ADAM12: variants seen among roughly 807,000 people sequenced by gnomAD.
ADAM12 encodes the protein ADAM metallopeptidase domain 12.
In ADAM12, 70 loss-of-function variants were observed where a neutral mutation model predicts 106.4. The observed-to-expected ratio is 0.66, with a 90% CI of 0.54 to 0.80. ADAM12 has a LOEUF of 0.80. Ranked by LOEUF, ADAM12 falls within the 30% of genes least tolerant of loss-of-function variation. The probability of loss-of-function intolerance (pLI) is 0.00; values close to 1 mark genes in which losing one functional copy is unlikely to be tolerated. For synonymous variants in ADAM12, 420 were observed against 433.5 expected (o/e 0.97, Z 0.39); for missense variants, 1,010 against 1,171.9 (o/e 0.86, Z 2.02).
chr10:126,143,643 G>GTGTGTATATGGTGTGCATA, intron 4 of ADAM12, among the ~76,000 whole-genome samples: 1 of 151,414 alleles, frequency 6.6e-6, no homozygotes, highest in Admixed American at 6.6e-5. Flanking sequence ...ATACACGTAT[G>GTGTGTATATGGTGTGCATA]TGTGTATATG....
At chr10:126,309,129 C>G (rs758641054) in intron 2 of ADAM12, among the ~76,000 whole-genome samples, 1 of 152,186 alleles carries the variant, frequency 6.6e-6, no homozygotes, top group Admixed American at 6.5e-5. Context: ...GGCCAATCAC[C>G]GTATTCTACA....
At chr10:126,382,640 G>A (rs1856535061) in intron 1 of ADAM12, among the ~76,000 whole-genome samples, 1 of 152,082 alleles carries the variant, frequency 6.6e-6, no homozygotes, top group African/African-American at 2.4e-5. Context: ...ATCCATCTGT[G>A]GAAGTACACA....
chr10:126,182,546 G>C lies in ADAM12; in HGVS notation c.261-27241C>G, dbSNP rs114954578. Among the ~76,000 whole-genome samples the C allele has an allele frequency of 9.9e-3, 1,509 of 152,284 alleles. 32 individuals carry two copies. The highest frequency in any genetic ancestry group is 0.033 in the African/African-American group (1,382 of 41,564). On this transcript the variant is annotated intron_variant, in intron 3 of 22. Transcript: ENST00000448723. Reference sequence around the variant, plus strand: ...TAAAAGCATGAAAATAGCAGATTCTGCCTTGGGGAAGTTTAAAATGTCACT... The same window carrying C: ...TAAAAGCATGAAAATAGCAGATTCTCCCTTGGGGAAGTTTAAAATGTCACT...
intron 3 of ADAM12, among the ~76,000 whole-genome samples, chr10:126,245,990 A>C (rs1267684108): frequency 6.6e-6 from 1 of 152,146 alleles, no homozygotes; most frequent in Non-Finnish European, 1.5e-5. Context: ...AAAGACAGAG[A>C]AAATAGTTGG....
chr10:126,174,008 A>ATTTTTTTTTTTTTTTTTTTT (rs200354475), intron 3 of ADAM12, among the ~76,000 whole-genome samples: 1 of 90,470 alleles, frequency 1.1e-5, no homozygotes, highest in Non-Finnish European at 2.1e-5. Context: ...TCTGTTGTTG[A>ATTTTTTTTTTTTTTTTTTTT]TTTTTTTTTT....
chr10:126,249,351 AT>A (rs1401629460), intron 3 of ADAM12, among the ~76,000 whole-genome samples: 1 of 152,168 alleles, frequency 6.6e-6, no homozygotes, highest in Non-Finnish European at 1.5e-5. Flanking sequence ...TGGGGAGTGC[AT>A]TTATGTCTGT....
In ADAM12 at chr10:126,266,707, G is replaced by A. The variant is rs916149636; in HGVS notation, c.260+12208C>T. On this transcript the variant is annotated intron_variant, in intron 3 of 22. Transcript: ENST00000448723. ...ACAAGAAGCATGACAGCTTCTGCTCGGCTTCTGAGGAGGCCTCAGGGAGCT... is the reference window on the plus strand; with the variant it reads ...ACAAGAAGCATGACAGCTTCTGCTCAGCTTCTGAGGAGGCCTCAGGGAGCT... Among the ~76,000 whole-genome samples, 19 of 152,190 alleles carry A rather than the reference G, an allele frequency of 1.2e-4. 1 individual carries two copies. Among genetic ancestry groups the A allele is most frequent in the South Asian group, 4.1e-4 (2 of 4,822 alleles).
chr10:126,089,815 G>A (rs1219542631), intron 11 of ADAM12, among the ~76,000 whole-genome samples: 1 of 152,048 alleles, frequency 6.6e-6, no homozygotes, highest in Non-Finnish European at 1.5e-5. Flanking sequence ...ATGCTTTGCA[G>A]GCTCTCCATC....
chr10:126,129,369 G>A (rs544318325), intron 5 of ADAM12, among the ~76,000 whole-genome samples: 2 of 152,356 alleles, frequency 1.3e-5, no homozygotes, highest in East Asian at 3.9e-4. Context: ...CAGAAGACGG[G>A]TGCATGGCTG....
At chr10:126,077,383 G>T (rs1955122891) in intron 11 of ADAM12, among the ~76,000 whole-genome samples, 1 of 152,048 alleles carries the variant, frequency 6.6e-6, no homozygotes, top group African/African-American at 2.4e-5. Flanking sequence ...CACAGAATTA[G>T]AAAAAACTAT....
chr10:126,178,048 A>C (rs1041736928), intron 3 of ADAM12, among the ~76,000 whole-genome samples: 10 of 152,174 alleles, frequency 6.6e-5, no homozygotes, highest in African/African-American at 2.4e-4. Context: ...AGTAACCGGG[A>C]AAGTTTTGTG....
At chr10:126,305,088 C>G (rs541974928) in intron 2 of ADAM12, among the ~76,000 whole-genome samples, 2 of 152,152 alleles carry the variant, frequency 1.3e-5, no homozygotes, top group African/African-American at 4.8e-5. Flanking sequence ...AAGCTAAACA[C>G]TTGAAACAGG....
chr10:126,344,408 C>T (rs1364692432), intron 1 of ADAM12, among the ~76,000 whole-genome samples: 2 of 152,142 alleles, frequency 1.3e-5, no homozygotes, highest in African/African-American at 4.8e-5. Context: ...CAGTACCATG[C>T]TGTTTTGGTT....
chr10:126,234,742 T>C (rs969670937), intron 3 of ADAM12, among the ~76,000 whole-genome samples: 7 of 152,232 alleles, frequency 4.6e-5, no homozygotes, highest in African/African-American at 1.7e-4. Context: ...AGAATGGTGC[T>C]GAGCCAGTGA....
chr10:126,330,933 C>G (rs909295088), intron 1 of ADAM12, among the ~76,000 whole-genome samples: 1 of 152,170 alleles, frequency 6.6e-6, no homozygotes, highest in Admixed American at 6.5e-5. Context: ...CCCAGTGAAT[C>G]TGTTAAACAT....
intron 11 of ADAM12, among the ~76,000 whole-genome samples, chr10:126,087,928 G>A (rs1243086680): frequency 6.6e-6 from 1 of 152,128 alleles, no homozygotes; most frequent in Non-Finnish European, 1.5e-5. Context: ...GAATTTTCAG[G>A]GAGCGGTCTG....
At chr10:126,037,016 C>T (rs1954072466) in intron 20 of ADAM12, among the ~76,000 whole-genome samples, 1 of 152,190 alleles carries the variant, frequency 6.6e-6, no homozygotes, top group African/African-American at 2.4e-5. Flanking sequence ...GTTTTCTTGT[C>T]ATGCTTCTCC....
Position 126,118,161 on chromosome 10 carries a change from T to C in ADAM12, c.480A>G (p.Arg160=), listed in dbSNP as rs748412799. ...VLEPMKSATN[R]YKLFPAKKLK... ...GCTTCTTCGCTGGGAAGAGTTTGTA[T>C]CTGTTGGTTGCACTTTTCATTGGTT... Residue 160 remains arginine (R), a synonymous_variant, in exon 6 of 23, where the codon AGA becomes AGG. Transcript: ENST00000448723. 3 of 1,614,170 alleles carry C rather than the reference T, an allele frequency of 1.9e-6. No individual in the cohort carries two copies. The highest frequency in any genetic ancestry group is 1.7e-6 in the Non-Finnish European group (2 of 1,179,998).
intron 3 of ADAM12, among the ~76,000 whole-genome samples, chr10:126,175,680 T>C (rs1186565940): frequency 1.3e-5 from 2 of 152,228 alleles, no homozygotes; most frequent in Non-Finnish European, 1.5e-5. Flanking sequence ...GTGATGTGGG[T>C]GCCACGTAAG....
Sources: allele counts gnomAD v4.1 joint callset (sites outside exome capture counted in the v4.1 genomes callset), GRCh38; gene constraint gnomAD v4.1.1; transcripts MANE v1.5; gene names NCBI Gene and HGNC (gene_info 2026-07-23, HGNC 2026-07-21).